Variants in MYO15A observed in about 807,000 individuals in gnomAD.
MYO15A encodes unconventional myosin-XV.
Under a neutral mutation model 394.6 loss-of-function variants are expected in MYO15A, and 308 were observed. The ratio of observed to expected loss-of-function variants is 0.78; its 90% confidence interval spans 0.71 to 0.86. The LOEUF (loss-of-function observed/expected upper bound fraction) is 0.86, where lower values mean the gene tolerates loss of function less well. Among genes scored for constraint, MYO15A ranks in the 40% least tolerant of loss-of-function variants. The pLI, the probability that MYO15A is intolerant of heterozygous loss-of-function variation, is 0.00. For missense variants in MYO15A, 4,606 were observed against 4,799.1 expected (o/e 0.96, Z 1.19); for synonymous variants, 1,957 against 2,003.8 (o/e 0.98, Z 0.62).
chr17:18,123,302 G>T (rs548888483), intron 2 of MYO15A: 2 of 152,294 alleles, frequency 1.3e-5, no homozygotes, highest in Non-Finnish European at 2.9e-5. Flanking sequence ...CGGATGCCCC[G>T]CGCTGTGTGG....
chr17:18,161,357 A>T lies in MYO15A; in HGVS notation c.9427A>T (p.Thr3143Ser), dbSNP rs769625672. Residue 3143 changes from threonine to serine, a missense_variant, in exon 57 of 66, where the codon ACC (threonine) becomes TCC (serine). Coordinates refer to ENST00000647165, the MANE Select transcript of MYO15A (RefSeq NM_016239.4). ...AGGCTGGAGGCTGCTGTATATCGTG[A>T]CCGCCTACCACAGCTGCTCTGAGGT... ...QRGWRLLYIVTAYHSCSEVLH... is the reference protein window; with the variant it reads ...QRGWRLLYIVSAYHSCSEVLH... 10 of 1,613,978 alleles carry T rather than the reference A, an allele frequency of 6.2e-6. No individual in the cohort carries two copies. The highest frequency in any genetic ancestry group is 1.1e-5 in the South Asian group (1 of 91,078).
intron 53 of MYO15A, 78 bp from the exon 54 acceptor site, chr17:18,159,197 G>A (rs1195569232): frequency 4.5e-6 from 7 of 1,544,510 alleles, no homozygotes; most frequent in South Asian, 1.1e-5. Context: ...GTTATCATAT[G>A]GCCTTGGAAC....
intron 57 of MYO15A, among the ~76,000 whole-genome samples, chr17:18,162,102 T>C (rs1487990453): frequency 6.6e-6 from 1 of 152,130 alleles, no homozygotes; most frequent in East Asian, 1.9e-4. Flanking sequence ...AGCTCCCAGA[T>C]GCATAAAAGC....
intron 65 of MYO15A, chr17:18,178,120 C>A (rs561240265): frequency 6.4e-6 from 1 of 157,466 alleles, no homozygotes; most frequent in African/African-American, 2.4e-5. Flanking sequence ...GCCTGTAATC[C>A]CAGCACTTTG....
chr17:18,152,168 C>A lies in MYO15A; in HGVS notation c.7950C>A (p.Ser2650=). 6.4e-7 allele frequency: 1 copy of A among 1,550,764 alleles called. No homozygotes were observed. The highest frequency in any genetic ancestry group is 1.2e-5 in the South Asian group (1 of 84,066). Residue 2650 remains serine (S), a synonymous_variant, in exon 42 of 66, where the codon TCC becomes TCA. Transcript: ENST00000647165. Reference sequence around the variant, plus strand: ...CGGTGACCAGTGCACCAAGGCCATCCATGGCACCCACTTCAGGTGAGAGGG... The same window carrying A: ...CGGTGACCAGTGCACCAAGGCCATCAATGGCACCCACTTCAGGTGAGAGGG... ...VKPVTSAPRP[S]MAPTSALPSR... is the part of the protein sequence containing the mutation.
chr17:18,159,576 G>C (rs780571935), intron 54 of MYO15A, 30 bp from the exon 55 acceptor site: 4 of 1,611,794 alleles, frequency 2.5e-6, no homozygotes, highest in Non-Finnish European at 3.4e-6. Context: ...GGGGTTTGGT[G>C]GGTCTGAGTG....
intron 44 of MYO15A, 86 bp downstream of exon 44, chr17:18,154,276 T>A: frequency 2.6e-6 from 4 of 1,512,264 alleles, no homozygotes; most frequent in Non-Finnish European, 3.7e-6. Flanking sequence ...AGCCTGCCTC[T>A]GCATGTTGGG....
rs1181103197 is a variant in MYO15A, at chr17:18,158,948, A to G, written c.9107A>G (p.Lys3036Arg). 2 of 1,614,146 alleles carry G rather than the reference A, an allele frequency of 1.2e-6. No homozygotes were observed. Among genetic ancestry groups the G allele is most frequent in the Non-Finnish European group, 1.7e-6 (2 of 1,179,978 alleles). Residue 3036 changes from lysine to arginine, a missense_variant, in exon 53 of 66, where the codon AAG (lysine) becomes AGG (arginine). By Grantham distance (26) the Lys-to-Arg change is conservative. Transcript: ENST00000647165. ...AGGGATGGCCTCAGGCTGAAATCCA[A>G]GGAGCCTCGGGAGTCCAGAACCTTG... ...RPQDGLRLKS[K>R]EPRESRTLED...
chr17:18,140,434 G>T, intron 19 of MYO15A, 83 bp from the exon 20 acceptor site: 1 of 1,588,662 alleles, frequency 6.3e-7, no homozygotes, highest in Non-Finnish European at 8.6e-7. Flanking sequence ...CTGGTCCGGA[G>T]ATTTACTCCT....
intron 65 of MYO15A, among the ~76,000 whole-genome samples, chr17:18,175,212 C>CCCAGCCTTCT (rs2046998123): frequency 6.6e-6 from 1 of 151,678 alleles, no homozygotes; most frequent in East Asian, 1.9e-4. Context: ...AGCCACTGCA[C>CCCAGCCTTCT]CCAGCCTTCT....
At position 18,157,703 on chromosome 17, in the gene MYO15A, A is replaced by G; in HGVS notation, c.8789-19A>G. On this transcript the variant is annotated intron_variant, in intron 50 of 65. Transcript: ENST00000647165. ...GACAAGACCCTCCTGTTTGCCTCAG[A>G]CCTTTTACCCACCCCTAGGCTGGAG... The G allele has an allele frequency of 1.2e-6, 2 of 1,604,004 alleles. No homozygotes were observed. Among genetic ancestry groups the G allele is most frequent in the Non-Finnish European group, 1.7e-6 (2 of 1,179,828 alleles).
intron 35 of MYO15A, chr17:18,149,934 C>T (rs1436155508): frequency 1.2e-5 from 2 of 172,126 alleles, no homozygotes; most frequent in Non-Finnish European, 2.0e-5. Context: ...GCCTGGGCAA[C>T]AACAAGACCC....
At chr17:18,166,645 C>CTGA (rs1163500537) in intron 61 of MYO15A, 124 bp downstream of exon 61, 1 of 1,294,048 alleles carries the variant, frequency 7.7e-7, no homozygotes, top group Non-Finnish European at 1.1e-6. Flanking sequence ...GTCTCTAGCC[C>CTGA]TGATGTCTCT....
At chr17:18,146,231 G>A in intron 30 of MYO15A, 124 bp downstream of exon 30, 1 of 988,294 alleles carries the variant, frequency 1.0e-6, no homozygotes, top group Non-Finnish European at 1.5e-6. Flanking sequence ...AGGCATGGAG[G>A]CTGGCCAGGG....
At position 18,155,360 on chromosome 17, in the gene MYO15A, G is replaced by A. The variant is rs2046658404; in HGVS notation, c.8387G>A (p.Gly2796Asp). The A allele has an allele frequency of 5.0e-6, 8 of 1,613,782 alleles. No individual in the cohort carries two copies. The highest frequency in any genetic ancestry group is 5.9e-6 in the Non-Finnish European group (7 of 1,180,034). ...CAGCTCCTAGCTGTGTCCCACGTGG[G>A]CATCAAACTCCTGAGGATGGTCAAG... ...GVQLLAVSHV[G>D]IKLLRMVKGG... Residue 2796 changes from glycine (G) to aspartate (D), a missense_variant, in exon 47 of 66, where the codon GGC becomes GAC. By Grantham distance (94) the Gly-to-Asp change is moderately conservative (BLOSUM62 -1). Around this residue, in one of 2 missense-constraint regions of MYO15A, gnomAD observed 2,776 missense variants for 3,109.3 expected, o/e 0.89. Coordinates refer to ENST00000647165, the MANE Select transcript of MYO15A (RefSeq NM_016239.4).
rs182332665 is a variant in MYO15A, at chr17:18,178,850, A to G, written c.10573A>G (p.Ser3525Gly). Residue 3525 changes from serine to glycine, a missense_variant, in exon 66 of 66, where the codon AGC (serine) becomes GGC (glycine). This residue lies in a region of MYO15A where 2,776 missense variants were observed against 3,109.3 expected (regional missense o/e 0.89). Coordinates refer to ENST00000647165, the MANE Select transcript of MYO15A (RefSeq NM_016239.4). ...TGAGAAGCGGCTCACATTGCCCCCC[A>G]GCGAGATCACCCTGCTCTGACCCAG... ...AHEKRLTLPP[S>G]EITLL 4,451 of 1,613,360 alleles carry G rather than the reference A, an allele frequency of 2.8e-3. 121 individuals carry two copies. The South Asian group carries it at 0.037, about 13-fold the overall frequency.
rs779870765 is a variant in MYO15A, at chr17:18,142,764, A to C, written c.5834A>C (p.Tyr1945Ser). The C allele has an allele frequency of 1.2e-6, 2 of 1,613,528 alleles. No individual in the cohort carries two copies. Among genetic ancestry groups the C allele is most frequent in the Non-Finnish European group, 1.7e-6 (2 of 1,179,912 alleles). The change falls in exon 25 of 66, where the codon TAT becomes TCT. Residue 1945 changes from tyrosine (Y) to serine (S), a missense_variant. Coordinates refer to ENST00000647165, the MANE Select transcript of MYO15A (RefSeq NM_016239.4). ...RARGYLARQR[Y>S]QQMRRSLVKF... ...CCACTACCCCAACCCAGGCAACGCT[A>C]TCAGCAGATGAGGAGGAGTCTGGTG...
In MYO15A at chr17:18,118,656, C is replaced by G. The variant is rs542293393; in HGVS notation, c.-145C>G. 15 of 1,291,106 alleles carry G rather than the reference C, an allele frequency of 1.2e-5. No homozygotes were observed. The African/African-American group carries it at 2.1e-4, about 18-fold the overall frequency. The allele number at this position is 1,291,106 out of a possible 1,614,324, so 80.0% of individuals were successfully genotyped here. A position where few individuals can be genotyped will look rare whatever the true frequency, so the allele number is the denominator to read the frequency against. ...CGGAATCCTGGCTCGGCCCTCCCCA[C>G]GCCACCCAGGGCCAGTCGGGTCTGC... is the stretch of plus-strand genomic sequence containing the variant. On this transcript the variant is annotated 5_prime_UTR_variant, in exon 2 of 66. Coordinates refer to ENST00000647165, the MANE Select transcript of MYO15A (RefSeq NM_016239.4).
chr17:18,141,221 G>C (rs1359283053), intron 22 of MYO15A, 78 bp downstream of exon 22: 1 of 1,598,098 alleles, frequency 6.3e-7, no homozygotes, highest in Non-Finnish European at 8.5e-7. Context: ...CACAACCCAG[G>C]CAGTACAGGG....
Sources: allele counts gnomAD v4.1 joint callset (sites outside exome capture counted in the v4.1 genomes callset), GRCh38; gene constraint gnomAD v4.1.1; regional missense constraint gnomAD v4.1.1; transcripts MANE v1.5; gene names NCBI Gene and HGNC (gene_info 2026-07-23, HGNC 2026-07-21).